PDLIM5: variants seen among roughly 807,000 people sequenced by gnomAD.
PDLIM5 encodes the protein PDZ and LIM domain 5, also known as PDZ and LIM domain protein 5.
A neutral mutation model predicts 64.2 loss-of-function variants in PDLIM5; 34 were observed. The ratio of observed to expected loss-of-function variants is 0.53; its 90% confidence interval spans 0.40 to 0.71. The LOEUF (loss-of-function observed/expected upper bound fraction) is 0.71, where lower values mean the gene tolerates loss of function less well. Ranked by LOEUF, PDLIM5 falls within the 30% of genes least tolerant of loss-of-function variation. The pLI, the probability that PDLIM5 is intolerant of heterozygous loss-of-function variation, is 0.00. For synonymous variants in PDLIM5, 253 were observed against 269.1 expected (o/e 0.94, Z 0.59); for missense variants, 683 against 733.6 (o/e 0.93, Z 0.80).
At chr4:94,560,332 G>A (rs951999797) in intron 3 of PDLIM5, among the ~76,000 whole-genome samples, 3 of 152,028 alleles carry the variant, frequency 2.0e-5, no homozygotes, top group African/African-American at 7.2e-5. Flanking sequence ...GTGGACTTTA[G>A]TTTCACTCTA....
chr4:94,557,835 A>T (rs1416725617), intron 3 of PDLIM5, among the ~76,000 whole-genome samples: 2 of 152,182 alleles, frequency 1.3e-5, no homozygotes, highest in Non-Finnish European at 2.9e-5. Context: ...CTAGATATGC[A>T]ATCATGTCAT....
intron 7 of PDLIM5, 26 bp from the exon 8 acceptor site, chr4:94,617,978 A>G: frequency 1.4e-6 from 2 of 1,388,402 alleles, no homozygotes. Context: ...CACTTCACCA[A>G]AGATGTTTCT....
At chr4:94,551,861 A>G (rs1020612588) in intron 3 of PDLIM5, among the ~76,000 whole-genome samples, 1 of 152,192 alleles carries the variant, frequency 6.6e-6, no homozygotes, top group African/African-American at 2.4e-5. Context: ...TTGTTCTCCA[A>G]GATGATATGG....
chr4:94,492,254 G>A (rs150060421), intron 2 of PDLIM5, among the ~76,000 whole-genome samples: 16 of 151,580 alleles, frequency 1.1e-4, no homozygotes, highest in Middle Eastern at 3.4e-3. Context: ...GAATGTGTTG[G>A]AATTAACTGA....
At chr4:94,623,625 G>A (rs1446364494) in intron 8 of PDLIM5, among the ~76,000 whole-genome samples, 1 of 152,086 alleles carries the variant, frequency 6.6e-6, no homozygotes, top group African/African-American at 2.4e-5. Context: ...CTGTTTTACA[G>A]CATCTAAACA....
At chr4:94,461,623 T>A (rs1049931722) in intron 2 of PDLIM5, among the ~76,000 whole-genome samples, 7 of 152,200 alleles carry the variant, frequency 4.6e-5, no homozygotes, top group Non-Finnish European at 8.8e-5. Context: ...TTGTTTCCTG[T>A]TTAAGTATAG....
intron 2 of PDLIM5, among the ~76,000 whole-genome samples, chr4:94,471,318 A>G (rs909957423): frequency 3.9e-5 from 6 of 152,158 alleles, no homozygotes; most frequent in African/African-American, 1.4e-4. Flanking sequence ...CATAAAGTCT[A>G]CTTGAGAGAT....
intron 9 of PDLIM5, among the ~76,000 whole-genome samples, chr4:94,654,234 C>T (rs1451492656): frequency 6.6e-6 from 1 of 152,094 alleles, no homozygotes; most frequent in Non-Finnish European, 1.5e-5. Context: ...GTGGGGAGTG[C>T]CCTTTCTTGA....
At chr4:94,649,145 T>G (rs1237073445) in intron 9 of PDLIM5, among the ~76,000 whole-genome samples, 1 of 152,002 alleles carries the variant, frequency 6.6e-6, no homozygotes, top group Non-Finnish European at 1.5e-5. Flanking sequence ...CCAGCTAATT[T>G]TTGTATTTTT....
At chr4:94,604,219 A>G (rs1737728090) in intron 7 of PDLIM5, among the ~76,000 whole-genome samples, 1 of 152,218 alleles carries the variant, frequency 6.6e-6, no homozygotes, top group Non-Finnish European at 1.5e-5. Flanking sequence ...AGCAGTAGTC[A>G]ATTGAGCCAG....
At chr4:94,610,150 C>A in intron 7 of PDLIM5, 6 of 1,499,378 alleles carry the variant, frequency 4.0e-6, no homozygotes, top group South Asian at 1.3e-5. Context: ...TTTTCTTTCC[C>A]TACCTGTCAG....
intron 5 of PDLIM5, among the ~76,000 whole-genome samples, chr4:94,576,576 TAA>T (rs373678636): frequency 2.0e-4 from 31 of 152,374 alleles, no homozygotes; most frequent in African/African-American, 7.0e-4. Flanking sequence ...CAGATAAGTT[TAA>T]GTTAGAATTT....
intron 6 of PDLIM5, 125 bp downstream of exon 6, chr4:94,585,862 TA>T: frequency 1.5e-6 from 1 of 675,660 alleles, no homozygotes; most frequent in Non-Finnish European, 2.5e-6. Context: ...ATGCTGTGCA[TA>T]ACATGGGTAA....
At chr4:94,497,486 T>G (rs1727505535) in intron 2 of PDLIM5, among the ~76,000 whole-genome samples, 2 of 152,308 alleles carry the variant, frequency 1.3e-5, no homozygotes, top group Middle Eastern at 3.4e-3. Flanking sequence ...CATGATATGA[T>G]TATTGATTTT....
intron 3 of PDLIM5, among the ~76,000 whole-genome samples, chr4:94,526,305 T>G (rs1730345835): frequency 6.6e-6 from 1 of 152,234 alleles, no homozygotes; most frequent in Non-Finnish European, 1.5e-5. Flanking sequence ...TGCTACTGAT[T>G]CTAATAAAGA....
Position 94,575,595 on chromosome 4 carries a change from GTTTA to G in PDLIM5, c.292-17_292-14del. On this transcript the variant is annotated splice_polypyrimidine_tract_variant and intron_variant, in intron 4 of 12. Coordinates refer to ENST00000317968, the MANE Select transcript of PDLIM5 (RefSeq NM_006457.5). ...ATGTGTTTGGTGTGGTTTTGTGTAT[GTTTA>G]TTTTTGTTTTACATAGGGAGAACCT... The G allele has an allele frequency of 1.3e-6, 2 of 1,490,246 alleles. No homozygotes were observed. The highest frequency in any genetic ancestry group is 1.8e-6 in the Non-Finnish European group (2 of 1,102,612). The allele number at this position is 1,490,246 out of a possible 1,614,324, so 92.3% of individuals were successfully genotyped here.
chr4:94,547,549 T>C (rs1342872701), intron 3 of PDLIM5, among the ~76,000 whole-genome samples: 3 of 152,170 alleles, frequency 2.0e-5, no homozygotes, highest in Non-Finnish European at 2.9e-5. Context: ...CAGCCTTAAT[T>C]CCATCTGGTA....
intron 2 of PDLIM5, among the ~76,000 whole-genome samples, chr4:94,464,244 C>T (rs183807333): frequency 2.8e-4 from 42 of 152,298 alleles, no homozygotes; most frequent in Admixed American, 1.2e-3. Context: ...ACAATGGCCA[C>T]TGTACTTCAT....
At chr4:94,565,308 T>C (rs1440466939) in intron 3 of PDLIM5, among the ~76,000 whole-genome samples, 1 of 152,156 alleles carries the variant, frequency 6.6e-6, no homozygotes, top group Non-Finnish European at 1.5e-5. Context: ...CGATAAAAAA[T>C]GTATTATTCA....
Sources: gnomAD v4.1 joint callset for allele counts (sites outside exome capture counted in the v4.1 genomes callset) on GRCh38, gnomAD v4.1.1 for gene constraint, MANE v1.5 for transcripts, NCBI Gene and HGNC (gene_info 2026-07-23, HGNC 2026-07-21) for gene names.